The following KIF1A variants were observed in gnomAD, a reference collection of about 807,000 sequenced individuals.
KIF1A encodes kinesin family member 1A.
KIF1A carries 46 observed loss-of-function variants against 227.3 expected under a neutral mutation model. The ratio of observed to expected loss-of-function variants is 0.20; its 90% CI spans 0.16 to 0.26. The LOEUF (loss-of-function observed/expected upper bound fraction) is 0.26. Ranked by LOEUF, KIF1A falls within the 10% of genes least tolerant of loss-of-function variation. The pLI, the probability that KIF1A is intolerant of heterozygous loss-of-function variation, is 1.00. For missense variants in KIF1A, 1,683 were observed against 2,485.9 expected (o/e 0.68, Z 6.87); for synonymous variants, 1,022 against 1,012.8 (o/e 1.01, Z -0.17).
chr2:240,782,975 A>G, intron 9 of KIF1A, 69 bp downstream of exon 9: 1 of 1,268,726 alleles, frequency 7.9e-7, no homozygotes, highest in East Asian at 2.3e-5. Context: ...AACGAGGGTG[A>G]CAGGGGCAGG....
intron 6 of KIF1A, among the ~76,000 whole-genome samples, chr2:240,786,073 C>T (rs912330824): frequency 1.3e-5 from 2 of 152,186 alleles, no homozygotes; most frequent in South Asian, 4.1e-4. Flanking sequence ...CTGCCAGCAC[C>T]CCCCGGGCAC....
chr2:240,743,302 G>A (rs904439834), intron 33 of KIF1A, among the ~76,000 whole-genome samples: 2 of 152,210 alleles, frequency 1.3e-5, no homozygotes, highest in African/African-American at 2.4e-5. Context: ...ACCCTGGAGG[G>A]CCCCTGAGCT....
At position 240,740,459 on chromosome 2, in the gene KIF1A, A is replaced by C. The variant is rs2047828433; in HGVS notation, c.3750-95T>G. 2 of 1,007,628 alleles carry C rather than the reference A, an allele frequency of 2.0e-6. No homozygotes were observed. The highest frequency in any genetic ancestry group is 1.6e-6 in the Non-Finnish European group (1 of 644,886). 62.4% of individuals were successfully genotyped at this position (1,007,628 alleles called of 1,614,324 possible). A position where few individuals can be genotyped will look rare whatever the true frequency, so the allele number is the denominator to read the frequency against. ...AGTGGACGGGAGCAAAAACAGGGAA[A>C]AGTCAGCAGCTCCCTCTGGTGAAGA... On this transcript the variant is annotated intron_variant, in intron 35 of 48. Transcript: ENST00000498729. This position sits in a 1 kb window ranked among gnomAD's most constrained non-coding sequence, Gnocchi z 6.1.
intron 1 of KIF1A, among the ~76,000 whole-genome samples, chr2:240,810,182 G>A (rs541374054): frequency 1.3e-5 from 2 of 152,004 alleles, no homozygotes; most frequent in Admixed American, 6.6e-5. Flanking sequence ...TCACTAAAAC[G>A]GTGACGAGAA....
At chr2:240,743,524 C>A (rs1415355339) in intron 33 of KIF1A, among the ~76,000 whole-genome samples, 1 of 152,194 alleles carries the variant, frequency 6.6e-6, no homozygotes, top group Non-Finnish European at 1.5e-5. Context: ...TCTGAGCCCC[C>A]ATTTTCCAGG....
Position 240,757,425 on chromosome 2 carries a change from C to T in KIF1A, c.2752G>A (p.Asp918Asn). The change falls in exon 27 of 49, where the codon GAT (aspartate) becomes AAT (asparagine). Residue 918 changes from aspartate to asparagine, a missense_variant. Coordinates refer to ENST00000498729, the MANE Select transcript of KIF1A (RefSeq NM_001244008.2). The surrounding 1 kb of genome is among the most constrained non-coding windows in gnomAD (Gnocchi z 6.2). ...EEEEEEEEEE[D>N]EEEEDLEDDV... ...TCCTCCAGGTCCTCCTCCTCCTCAT[C>T]CTCCTCCTCCTCCTCCTCCTCCTCC... The T allele has an allele frequency of 2.1e-5, 5 of 233,132 alleles. No homozygotes were observed. Among genetic ancestry groups the T allele is most frequent in the Non-Finnish European group, 2.8e-5 (5 of 178,702 alleles). The allele number at this position is 233,132 out of a possible 1,614,324, so 14.4% of individuals were successfully genotyped here. A position where few individuals can be genotyped will look rare whatever the true frequency, so the allele number is the denominator to read the frequency against.
At chr2:240,783,672 T>A in intron 8 of KIF1A, 67 bp downstream of exon 8, 1 of 1,313,276 alleles carries the variant, frequency 7.6e-7, no homozygotes, top group Non-Finnish European at 1.1e-6. Context: ...AACAGAGCCC[T>A]CCTGCCACCC....
In KIF1A at chr2:240,792,013, C is replaced by T. The variant is rs2055776264; in HGVS notation, c.107-2701G>A. On this transcript the variant is annotated intron_variant, in intron 2 of 48. Coordinates refer to ENST00000498729, the MANE Select transcript of KIF1A (RefSeq NM_001244008.2). The surrounding 1 kb of genome is among the most constrained non-coding windows in gnomAD (Gnocchi z 4.5). ...TATTGTGTCTGGGAGCCCCACCCCA[C>T]CCTGGCCCTGCCACCCCTCCCACAC... Among the ~76,000 whole-genome samples the T allele has an allele frequency of 6.6e-6, 1 of 151,414 alleles. No individual in the cohort carries two copies. Among genetic ancestry groups the T allele is most frequent in the Non-Finnish European group, 1.5e-5 (1 of 67,792 alleles).
intron 38 of KIF1A, among the ~76,000 whole-genome samples, chr2:240,729,613 G>A (rs578192816): frequency 5.3e-4 from 81 of 152,358 alleles, no homozygotes; most frequent in African/African-American, 1.9e-3. Context: ...CAGGCCTGGA[G>A]CTGTAAGTAG....
chr2:240,769,249 C>T, intron 16 of KIF1A, 41 bp from the exon 17 acceptor site: 1 of 1,558,140 alleles, frequency 6.4e-7, no homozygotes, highest in East Asian at 2.3e-5. Context: ...CTCCACAAGG[C>T]TTCCAGCACT....
intron 5 of KIF1A, among the ~76,000 whole-genome samples, chr2:240,786,789 A>AGG (rs5839792): frequency 1.8e-5 from 2 of 113,892 alleles, no homozygotes; most frequent in Non-Finnish European, 3.5e-5. Flanking sequence ...CCCCTGAGTG[A>AGG]GGGGGTGGGG....
chr2:240,783,986 C>T (rs1052052821), intron 7 of KIF1A, among the ~76,000 whole-genome samples, 170 bp from the exon 8 acceptor site: 17 of 152,302 alleles, frequency 1.1e-4, no homozygotes, highest in Admixed American at 1.0e-3. Context: ...AGTTTCCACC[C>T]GCACCTCCGT....
At chr2:240,751,199 G>A (rs559120005) in intron 27 of KIF1A, among the ~76,000 whole-genome samples, 4 of 152,146 alleles carry the variant, frequency 2.6e-5, no homozygotes, top group Admixed American at 6.5e-5. Context: ...CAGAGACCAC[G>A]AGTACCTACG....
Position 240,720,922 on chromosome 2 carries a change from A to C in KIF1A, c.4860T>G (p.Thr1620=). The change falls in exon 45 of 49, where the codon ACT becomes ACG. Residue 1620 remains threonine, a synonymous_variant. Transcript: ENST00000498729. ...GCCTGGAGCTCACTCACCTCAGGTC[A>C]GTGGCACCGTACCGCCCTTCAACCA... The part of the protein sequence containing the change: ...PSLVEGRYGA[T]DLRTPQPCSR... 4 of 1,572,192 alleles carry C rather than the reference A, an allele frequency of 2.5e-6. No homozygotes were observed. In the East Asian group the frequency reaches 9.3e-5, roughly 37 times the overall value.
At chr2:240,807,305 A>G (rs1329725447) in intron 1 of KIF1A, among the ~76,000 whole-genome samples, 2 of 151,966 alleles carry the variant, frequency 1.3e-5, no homozygotes, top group Non-Finnish European at 2.9e-5. Context: ...CACCATGCCC[A>G]ACTAATTTTG....
At chr2:240,779,484 TCACTCAGTTCCACACTCAGTTCCA>T (rs879423283) in intron 10 of KIF1A, among the ~76,000 whole-genome samples, 3 of 136,462 alleles carry the variant, frequency 2.2e-5, no homozygotes, top group South Asian at 4.6e-4. Flanking sequence ...ACTCAGTTCC[TCACTCAGTTCCACACTCAGTTCCA>T]CACTCAGTTC....
At chr2:240,813,932 T>A (rs1242592625) in intron 1 of KIF1A, among the ~76,000 whole-genome samples, 2 of 152,140 alleles carry the variant, frequency 1.3e-5, no homozygotes, top group Non-Finnish European at 2.9e-5. Flanking sequence ...AAGATGCTCA[T>A]TTTCAAAACA....
chr2:240,731,460 C>A (rs2046588697), intron 38 of KIF1A, among the ~76,000 whole-genome samples: 1 of 152,242 alleles, frequency 6.6e-6, no homozygotes, highest in South Asian at 2.1e-4. Flanking sequence ...GGTGCCCCGA[C>A]CGCATGCCAC....
At chr2:240,741,426 A>T (rs1351302307) in intron 34 of KIF1A, 49 bp from the exon 35 acceptor site, 6 of 1,392,276 alleles carry the variant, frequency 4.3e-6, no homozygotes, top group Non-Finnish European at 5.8e-6. Context: ...CTGACCTATC[A>T]CGTGCCAAGG....
Sources: gnomAD v4.1 joint callset for allele counts (sites outside exome capture counted in the v4.1 genomes callset) on GRCh38, gnomAD v4.1.1 for gene constraint, Gnocchi (gnomAD v3.1) non-coding constraint, MANE v1.5 for transcripts, NCBI Gene and HGNC (gene_info 2026-07-23, HGNC 2026-07-21) for gene names.